The following CHST8 variants were observed in gnomAD, a reference collection of about 807,000 sequenced individuals.
CHST8 encodes the protein carbohydrate sulfotransferase 8, also known as GALNAC-4-ST1.
In CHST8, 10 loss-of-function variants were observed where a neutral mutation model predicts 15.0. The observed-to-expected ratio is 0.67, with a 90% confidence interval of 0.41 to 1.13. The LOEUF (loss-of-function observed/expected upper bound fraction) is 1.13, where lower values mean the gene tolerates loss of function less well. Among genes scored for constraint, CHST8 ranks in the 50% most tolerant of loss-of-function variants. The probability of loss-of-function intolerance (pLI) is 0.00; values close to 1 mark genes in which losing one functional copy is unlikely to be tolerated. For synonymous variants in CHST8, 259 were observed against 256.6 expected (o/e 1.01, Z -0.09); for missense variants, 634 against 608.2 (o/e 1.04, Z -0.45).
intron 1 of CHST8, among the ~76,000 whole-genome samples, chr19:33,658,673 T>G (rs753753901): frequency 3.9e-5 from 6 of 152,234 alleles, no homozygotes; most frequent in Non-Finnish European, 8.8e-5. Context: ...CTTTTCTTCC[T>G]GTAAACTTTG....
chr19:33,689,451 G>A, intron 3 of CHST8, 60 bp downstream of exon 3: 1 of 1,481,920 alleles, frequency 6.7e-7, no homozygotes, highest in South Asian at 1.4e-5. Flanking sequence ...TGAAGCTCAG[G>A]CCTCCACAGC....
At chr19:33,768,255 C>T (rs1048559464) in intron 3 of CHST8, among the ~76,000 whole-genome samples, 1 of 152,030 alleles carries the variant, frequency 6.6e-6, no homozygotes, top group Non-Finnish European at 1.5e-5. Flanking sequence ...TTTAGATTTC[C>T]TTCATTACGT....
chr19:33,738,751 G>A lies in CHST8; in HGVS notation c.131-32662G>A, dbSNP rs574104485. Among the ~76,000 whole-genome samples the A allele has an allele frequency of 2.4e-4, 36 of 152,160 alleles. No individual in the cohort carries two copies. The East Asian group carries it at 2.7e-3, about 11-fold the overall frequency. On this transcript the variant is annotated intron_variant, in intron 3 of 4. Coordinates refer to ENST00000650847, the MANE Select transcript of CHST8 (RefSeq NM_001127895.2). ...ATTACAGGCACACACCAGCATGCCC[G>A]GCTAATTTTTGTACTTTTAGTAGAG... is the stretch of plus-strand genomic sequence containing the variant.
At chr19:33,654,778 C>T (rs1972489580) in intron 1 of CHST8, among the ~76,000 whole-genome samples, 1 of 152,114 alleles carries the variant, frequency 6.6e-6, no homozygotes, top group South Asian at 2.1e-4. Context: ...TGTGCAGTAA[C>T]TCAGTTCTAG....
intron 2 of CHST8, among the ~76,000 whole-genome samples, chr19:33,678,122 G>T (rs1428824827): frequency 6.6e-6 from 1 of 152,140 alleles, no homozygotes; most frequent in Non-Finnish European, 1.5e-5. Context: ...CACATTTCTG[G>T]CTTTCCAACA....
At chr19:33,655,058 A>G (rs2145215053) in intron 1 of CHST8, among the ~76,000 whole-genome samples, 1 of 152,288 alleles carries the variant, frequency 6.6e-6, no homozygotes, top group African/African-American at 2.4e-5. Context: ...CAGGAGTCTG[A>G]CAGGGTCTGG....
chr19:33,625,444 C>G (rs965541695), intron 1 of CHST8, among the ~76,000 whole-genome samples: 1 of 152,164 alleles, frequency 6.6e-6, no homozygotes, highest in Non-Finnish European at 1.5e-5. Flanking sequence ...GAATGAGTGG[C>G]CAGCCTTTCA....
chr19:33,731,746 G>A lies in CHST8; in HGVS notation c.131-39667G>A, dbSNP rs113149395. Among the ~76,000 whole-genome samples the A allele has an allele frequency of 3.8e-3, 575 of 152,320 alleles. 5 individuals carry two copies. The highest frequency in any genetic ancestry group is 0.012 in the African/African-American group (516 of 41,564). ...GTTTTCGTGTATGCAAACAATGATT[G>A]AGATGAGGTTTGGGTTCTTCACAAG... On this transcript the variant is annotated intron_variant, in intron 3 of 4. Coordinates refer to ENST00000650847, the MANE Select transcript of CHST8 (RefSeq NM_001127895.2).
chr19:33,754,729 C>T (rs1390944003), intron 3 of CHST8, among the ~76,000 whole-genome samples: 1 of 152,330 alleles, frequency 6.6e-6, no homozygotes, highest in East Asian at 1.9e-4. Context: ...GGGGTGACAG[C>T]CTCTCAAATA....
chr19:33,708,658 G>A (rs1235184787), intron 3 of CHST8, among the ~76,000 whole-genome samples: 1 of 152,224 alleles, frequency 6.6e-6, no homozygotes, highest in Non-Finnish European at 1.5e-5. Context: ...ATCAGGAAGT[G>A]TAAATCCTTC....
chr19:33,688,300 T>C (rs1973025788), intron 2 of CHST8, among the ~76,000 whole-genome samples: 2 of 152,178 alleles, frequency 1.3e-5, no homozygotes, highest in African/African-American at 2.4e-5. Flanking sequence ...ATGGGGAATT[T>C]CTCTCCCTGC....
intron 3 of CHST8, among the ~76,000 whole-genome samples, chr19:33,748,465 G>A (rs1040162200): frequency 6.6e-6 from 1 of 152,250 alleles, no homozygotes; most frequent in African/African-American, 2.4e-5. Context: ...GTCGCCCCAG[G>A]TTCCTTTCCC....
chr19:33,746,764 C>T (rs544415372), intron 3 of CHST8, among the ~76,000 whole-genome samples: 8 of 151,896 alleles, frequency 5.3e-5, no homozygotes, highest in South Asian at 2.1e-4. Flanking sequence ...TCCATTCCAG[C>T]GTCACCTAAC....
intron 3 of CHST8, among the ~76,000 whole-genome samples, chr19:33,698,004 G>A (rs551523070): frequency 4.6e-5 from 7 of 152,280 alleles, no homozygotes; most frequent in Non-Finnish European, 7.3e-5. Flanking sequence ...TGGGCTGGGC[G>A]CAGTGGCTCA....
Position 33,772,393 on chromosome 19 carries a change from G to T in CHST8, c.605G>T (p.Cys202Phe). The change falls in exon 5 of 5, where the codon TGC becomes TTC. Residue 202 changes from cysteine to phenylalanine, a missense_variant. By Grantham distance (205) the Cys-to-Phe change is radical. Coordinates refer to ENST00000650847, the MANE Select transcript of CHST8 (RefSeq NM_001127895.2). ...TACTGCGAGGTGCCCAAGGCCGGCTGCTCCAATTGGAAGCGGGTGCTCATG... is the reference window on the plus strand; with the variant it reads ...TACTGCGAGGTGCCCAAGGCCGGCTTCTCCAATTGGAAGCGGGTGCTCATG... ...VLYCEVPKAG[C>F]SNWKRVLMVL... The T allele has an allele frequency of 1.2e-6, 2 of 1,609,566 alleles. No homozygotes were observed. The highest frequency in any genetic ancestry group is 1.7e-6 in the Non-Finnish European group (2 of 1,179,580).
chr19:33,748,921 C>T (rs953544392), intron 3 of CHST8, among the ~76,000 whole-genome samples: 1 of 152,130 alleles, frequency 6.6e-6, no homozygotes, highest in African/African-American at 2.4e-5. Context: ...GGACCGAAGG[C>T]TCACTCGGAG....
At chr19:33,734,753 C>T (rs1472941420) in intron 3 of CHST8, among the ~76,000 whole-genome samples, 1 of 152,158 alleles carries the variant, frequency 6.6e-6, no homozygotes, top group Non-Finnish European at 1.5e-5. Flanking sequence ...GCTGCCCACT[C>T]CCACTGGGCC....
At chr19:33,676,723 G>C (rs1266516029) in intron 2 of CHST8, among the ~76,000 whole-genome samples, 15 of 149,650 alleles carry the variant, frequency 1.0e-4, no homozygotes, top group African/African-American at 3.7e-4. Flanking sequence ...AAAAATTTTT[G>C]AAAATTAGCT....
In CHST8 at chr19:33,772,637, C is replaced by T. The variant is rs755960380; in HGVS notation, c.849C>T (p.Phe283=). ...CCAACAGCTACTATCACCCGGTCTT[C>T]GGCAAGGCCATCCTGGCCCGGTACC... ...EHPNSYYHPV[F]GKAILARYRA... Residue 283 remains phenylalanine (F), a synonymous_variant, in exon 5 of 5, where the codon TTC becomes TTT. Coordinates refer to ENST00000650847, the MANE Select transcript of CHST8 (RefSeq NM_001127895.2). 9 of 1,613,868 alleles carry T rather than the reference C, an allele frequency of 5.6e-6. No homozygotes were observed. Among genetic ancestry groups the T allele is most frequent in the Non-Finnish European group, 7.6e-6 (9 of 1,180,034 alleles).
Sources: allele counts gnomAD v4.1 joint callset (sites outside exome capture counted in the v4.1 genomes callset), GRCh38; gene constraint gnomAD v4.1.1; transcripts MANE v1.5; gene names NCBI Gene and HGNC (gene_info 2026-07-23, HGNC 2026-07-21).